FAM193A: variants seen among roughly 807,000 people sequenced by gnomAD.
The protein encoded by FAM193A is protein FAM193A.
FAM193A carries 22 observed loss-of-function variants against 126.5 expected under a neutral mutation model. That is an observed-to-expected ratio of 0.17 (90% CI 0.12 to 0.25). The LOEUF is 0.25. Ranked by LOEUF, FAM193A falls within the 10% of genes least tolerant of loss-of-function variation. The pLI is 1.00. For missense variants in FAM193A, 1,675 were observed against 1,672.8 expected, an observed-to-expected ratio of 1.00 and a Z score of -0.02; for synonymous variants, 761 against 646.8, an observed-to-expected ratio of 1.18 and a Z score of -2.68.
intron 12 of FAM193A, among the ~76,000 whole-genome samples, chr4:2,670,752 G>A (rs965848623): frequency 9.2e-5 from 14 of 152,044 alleles, no homozygotes; most frequent in Non-Finnish European, 1.5e-4. Flanking sequence ...GAGCCACTGC[G>A]CCCAGCCTAG....
At chr4:2,639,631 G>C (rs550998334) in intron 5 of FAM193A, 104 bp from the exon 6 acceptor site, 1 of 779,046 alleles carries the variant, frequency 1.3e-6, no homozygotes, top group Non-Finnish European at 2.0e-6. Flanking sequence ...GGATGTGTGC[G>C]TGGTGGGGGG....
intron 19 of FAM193A, chr4:2,715,599 GT>G: frequency 6.1e-6 from 5 of 818,210 alleles, no homozygotes; most frequent in South Asian, 3.8e-5. Flanking sequence ...ACATGGGCCT[GT>G]CCCCTGGGCA....
intron 2 of FAM193A, chr4:2,608,163 T>C: frequency 9.5e-6 from 15 of 1,579,506 alleles, no homozygotes; most frequent in Non-Finnish European, 1.3e-5. Context: ...AAATAAAAAT[T>C]TAAAATACCA....
chr4:2,720,458 C>G (rs1334339959), intron 20 of FAM193A, among the ~76,000 whole-genome samples: 1 of 152,082 alleles, frequency 6.6e-6, no homozygotes, highest in African/African-American at 2.4e-5. Flanking sequence ...TTGAGACCAG[C>G]CTGAGCAACA....
chr4:2,540,118 C>CAA (rs35943546), intron 1 of FAM193A, among the ~76,000 whole-genome samples: 6 of 137,932 alleles, frequency 4.3e-5, no homozygotes, highest in South Asian at 2.3e-4. Context: ...AACTCTGTCT[C>CAA]AAAAAAAAAA....
chr4:2,545,975 G>A (rs993311806), intron 1 of FAM193A, among the ~76,000 whole-genome samples: 1 of 151,932 alleles, frequency 6.6e-6, no homozygotes, highest in Non-Finnish European at 1.5e-5. Flanking sequence ...TGGTGAAATC[G>A]TGTCTCTACT....
At chr4:2,602,384 C>T (rs1232819922) in intron 2 of FAM193A, among the ~76,000 whole-genome samples, 8 of 133,586 alleles carry the variant, frequency 6.0e-5, no homozygotes, top group Non-Finnish European at 9.4e-5. Flanking sequence ...GACAGAGTTT[C>T]GCTGTTGTCT....
chr4:2,622,493 GCCTGTGGTC>G (rs72032470), intron 2 of FAM193A, among the ~76,000 whole-genome samples: 4,365 of 152,184 alleles, frequency 0.029, 221 homozygotes, highest in African/African-American at 0.099. Context: ...CTAGCGCTAG[GCCTGTGGTC>G]CTAATGGGTG....
intron 19 of FAM193A, among the ~76,000 whole-genome samples, chr4:2,711,969 T>C (rs905859337): frequency 2.0e-5 from 3 of 152,154 alleles, no homozygotes; most frequent in African/African-American, 7.2e-5. Flanking sequence ...CTTTTTTCTT[T>C]CACTCGATAG....
intron 1 of FAM193A, among the ~76,000 whole-genome samples, chr4:2,538,929 C>T (rs542016081): frequency 1.3e-5 from 2 of 152,012 alleles, no homozygotes; most frequent in East Asian, 1.9e-4. Context: ...CTCACTCTGT[C>T]GCCCAGGCTG....
At chr4:2,551,248 G>C (rs1490094134) in intron 1 of FAM193A, among the ~76,000 whole-genome samples, 5 of 152,136 alleles carry the variant, frequency 3.3e-5, no homozygotes, top group African/African-American at 1.2e-4. Context: ...CAAATGTTTG[G>C]AACCAGAAGT....
At chr4:2,581,052 C>T (rs1379470739) in intron 1 of FAM193A, among the ~76,000 whole-genome samples, 2 of 151,730 alleles carry the variant, frequency 1.3e-5, no homozygotes, top group Non-Finnish European at 2.9e-5. Context: ...TGGCGTGAAC[C>T]CGGGAGGCGG....
chr4:2,715,079 A>G lies in FAM193A; in HGVS notation c.4373-944A>G, dbSNP rs1053718222. The stretch of plus-strand genomic sequence containing the variant: ...AGTCTAGGAAATTGAGTAATTCTCA[A>G]TCAATGATTTCCCTGCTATCCTGCC... On this transcript the variant is annotated intron_variant, in intron 19 of 20. Coordinates refer to ENST00000637812, the MANE Select transcript of FAM193A (RefSeq NM_001366318.2). Among the ~76,000 whole-genome samples, 6 of 152,372 alleles carry G rather than the reference A, an allele frequency of 3.9e-5. No individual in the cohort carries two copies. The South Asian group carries it at 8.3e-4, about 21-fold the overall frequency.
At chr4:2,685,031 C>T (rs1345437334) in intron 13 of FAM193A, among the ~76,000 whole-genome samples, 2 of 152,178 alleles carry the variant, frequency 1.3e-5, no homozygotes, top group Non-Finnish European at 2.9e-5. Flanking sequence ...GACTTTGAAT[C>T]CTGGGTCTTT....
chr4:2,710,156 C>CTT (rs1253592389), intron 19 of FAM193A, among the ~76,000 whole-genome samples: 2 of 106,328 alleles, frequency 1.9e-5, no homozygotes, highest in African/African-American at 6.9e-5. Context: ...TACTGTTCTT[C>CTT]TTTTGTTTTT....
intron 1 of FAM193A, among the ~76,000 whole-genome samples, chr4:2,557,946 C>T (rs573978669): frequency 2.0e-5 from 3 of 149,658 alleles, no homozygotes; most frequent in South Asian, 2.1e-4. Context: ...AGTGAGACTC[C>T]GTCTCAAAAA....
chr4:2,712,441 C>T (rs992835812), intron 19 of FAM193A, among the ~76,000 whole-genome samples: 1 of 152,118 alleles, frequency 6.6e-6, no homozygotes, highest in African/African-American at 2.4e-5. Flanking sequence ...GAAGCGGCCA[C>T]CTTCTGGTCG....
chr4:2,560,150 C>G (rs1402071056), intron 1 of FAM193A, among the ~76,000 whole-genome samples: 2 of 152,062 alleles, frequency 1.3e-5, no homozygotes, highest in African/African-American at 4.8e-5. Flanking sequence ...GCCATGCTGG[C>G]CAGGCTGGTC....
At chr4:2,723,718 T>C (rs954442424) in intron 20 of FAM193A, among the ~76,000 whole-genome samples, 2 of 152,244 alleles carry the variant, frequency 1.3e-5, no homozygotes, top group Non-Finnish European at 2.9e-5. Context: ...ACCAAACTAA[T>C]AATTCAAAGG....
Sources: allele counts gnomAD v4.1 joint callset (sites outside exome capture counted in the v4.1 genomes callset), GRCh38; gene constraint gnomAD v4.1.1; transcripts MANE v1.5; gene names NCBI Gene and HGNC (gene_info 2026-07-23, HGNC 2026-07-21).